The following ADAMTS2 variants were observed in gnomAD, a reference collection of about 807,000 sequenced individuals.
ADAMTS2 encodes ADAM metallopeptidase with thrombospondin type 1 motif 2, also known as A disintegrin and metalloproteinase with thrombospondin motifs 2.
A neutral mutation model predicts 123.0 loss-of-function variants in ADAMTS2; 50 were observed. The observed-to-expected ratio is 0.41, with a 90% CI of 0.32 to 0.51. ADAMTS2 has a LOEUF of 0.51. Ranked by LOEUF, ADAMTS2 falls within the 20% of genes least tolerant of loss-of-function variation. The probability of loss-of-function intolerance (pLI) is 0.35; values close to 1 mark genes in which losing one functional copy is unlikely to be tolerated. For synonymous variants in ADAMTS2, 678 were observed against 695.4 expected (o/e 0.98, Z 0.39); for missense variants, 1,494 against 1,705.2 (o/e 0.88, Z 2.18).
At chr5:179,231,758 A>T (rs1170376027) in intron 3 of ADAMTS2, among the ~76,000 whole-genome samples, 1 of 152,076 alleles carries the variant, frequency 6.6e-6, no homozygotes, top group Non-Finnish European at 1.5e-5. Flanking sequence ...GGTGCAGTGA[A>T]TAGTGAAGTC....
intron 5 of ADAMTS2, among the ~76,000 whole-genome samples, chr5:179,172,863 A>T (rs534282535): frequency 6.6e-6 from 1 of 152,260 alleles, no homozygotes; most frequent in East Asian, 1.9e-4. Flanking sequence ...AAAATCATTT[A>T]AAAAATTTAA....
chr5:179,332,111 A>C lies in ADAMTS2; in HGVS notation c.534+11656T>G, dbSNP rs1173414895. On this transcript the variant is annotated intron_variant, in intron 2 of 21. Coordinates refer to ENST00000251582, the MANE Select transcript of ADAMTS2 (RefSeq NM_014244.5). The surrounding 1 kb of genome is among the most constrained non-coding windows in gnomAD (Gnocchi z 4.2). ...AGTAACTGTGACCTTGGAATCAGAC[A>C]GACATGTGTTCATTAATAGAACAGA... Among the ~76,000 whole-genome samples, 1 of 152,264 alleles carries C rather than the reference A, an allele frequency of 6.6e-6. No individual in the cohort carries two copies. The highest frequency in any genetic ancestry group is 1.5e-5 in the Non-Finnish European group (1 of 68,044).
At chr5:179,267,305 G>A (rs977290995) in intron 3 of ADAMTS2, among the ~76,000 whole-genome samples, 10 of 152,214 alleles carry the variant, frequency 6.6e-5, no homozygotes, top group African/African-American at 1.9e-4. Flanking sequence ...GCCCAGTGCC[G>A]GCGCTTGTCC....
intron 10 of ADAMTS2, 91 bp from the exon 11 acceptor site, chr5:179,140,126 G>A (rs1034142692): frequency 1.4e-5 from 22 of 1,586,130 alleles, no homozygotes; most frequent in Admixed American, 1.7e-5. Context: ...TCTGGGACAC[G>A]TCCTGGCCCC....
intron 10 of ADAMTS2, among the ~76,000 whole-genome samples, chr5:179,148,219 G>A (rs910797008): frequency 1.3e-5 from 2 of 152,026 alleles, no homozygotes; most frequent in African/African-American, 4.8e-5. Flanking sequence ...CCCTGCCCCT[G>A]TGCACGCCTC....
At position 179,128,484 on chromosome 5, in the gene ADAMTS2, C is replaced by G. The variant is rs933392657; in HGVS notation, c.2458-366G>C. On this transcript the variant is annotated intron_variant, in intron 16 of 21. Coordinates refer to ENST00000251582, the MANE Select transcript of ADAMTS2 (RefSeq NM_014244.5). This position sits in a 1 kb window ranked among gnomAD's most constrained non-coding sequence, Gnocchi z 4.9. Reference sequence around the variant, plus strand: ...CTCGGCTCACTGCAACCTCCGCCTCCCAGGTTCAAGCGATTCTCCTGCCTC... The same window carrying G: ...CTCGGCTCACTGCAACCTCCGCCTCGCAGGTTCAAGCGATTCTCCTGCCTC... Among the ~76,000 whole-genome samples, 1 of 152,158 alleles carries G rather than the reference C, an allele frequency of 6.6e-6. No homozygotes were observed. Among genetic ancestry groups the G allele is most frequent in the Non-Finnish European group, 1.5e-5 (1 of 68,034 alleles).
intron 3 of ADAMTS2, among the ~76,000 whole-genome samples, chr5:179,265,887 T>G (rs2113499096): frequency 6.6e-6 from 1 of 152,362 alleles, no homozygotes; most frequent in Admixed American, 6.5e-5. Context: ...GGGCCTGGGC[T>G]GCAGGCTCAG....
At chr5:179,137,708 A>AGGGGCCGCCCGGGGTGCCCCCC in intron 12 of ADAMTS2, 61 bp downstream of exon 12, 1 of 522,442 alleles carries the variant, frequency 1.9e-6, no homozygotes, top group Non-Finnish European at 3.5e-6. Context: ...ACAAGCCCCC[A>AGGGGCCGCCCGGGGTGCCCCCC]CCCTGCCCAC....
intron 2 of ADAMTS2, among the ~76,000 whole-genome samples, chr5:179,306,508 C>T (rs2113567790): frequency 6.6e-6 from 1 of 152,324 alleles, no homozygotes. Context: ...CACAATACCG[C>T]ATCCTGAGAA....
rs569659871 is a variant in ADAMTS2, at chr5:179,316,026, C to T, written c.534+27741G>A. Among the ~76,000 whole-genome samples, 289 of 152,286 alleles carry T rather than the reference C, an allele frequency of 1.9e-3. 4 individuals carry two copies. Among genetic ancestry groups the T allele is most frequent in the Non-Finnish European group, 2.9e-4 (20 of 68,026 alleles). On this transcript the variant is annotated intron_variant, in intron 2 of 21. Transcript: ENST00000251582. ...TTATCAATACATATATAAGAAAAAG[C>T]TCCATAGCTAGACCCACGATAATGA...
At chr5:179,184,955 A>G (rs1764135616) in intron 4 of ADAMTS2, among the ~76,000 whole-genome samples, 1 of 152,150 alleles carries the variant, frequency 6.6e-6, no homozygotes, top group Admixed American at 6.5e-5. Context: ...GCCTGGAAGG[A>G]CGTGGCATGT....
In ADAMTS2 at chr5:179,180,989, T is replaced by A. The variant is rs1474133180; in HGVS notation, c.975+83A>T. On this transcript the variant is annotated intron_variant, in intron 5 of 21. Transcript: ENST00000251582. This position sits in a 1 kb window ranked among gnomAD's most constrained non-coding sequence, Gnocchi z 4.6. ...GGGTGGTTCTGGCAAACGCACACAC[T>A]CTCCAAGGAGGCCCATGCCTCACTC... is the stretch of plus-strand genomic sequence containing the variant. 1.8e-6 allele frequency: 2 copies of A among 1,093,938 alleles called. No homozygotes were observed. Among genetic ancestry groups the A allele is most frequent in the East Asian group, 4.8e-5 (2 of 41,792 alleles). The allele number at this position is 1,093,938 out of a possible 1,614,324, so 67.8% of individuals were successfully genotyped here.
At chr5:179,342,793 C>G (rs536681496) in intron 2 of ADAMTS2, among the ~76,000 whole-genome samples, 6 of 152,214 alleles carry the variant, frequency 3.9e-5, no homozygotes, top group Admixed American at 3.3e-4. Flanking sequence ...CCCGGGCAGC[C>G]GGACAGAGCA....
intron 18 of ADAMTS2, among the ~76,000 whole-genome samples, chr5:179,125,652 C>A (rs1050326061): frequency 6.6e-6 from 1 of 152,234 alleles, no homozygotes; most frequent in Non-Finnish European, 1.5e-5. Flanking sequence ...GACCCAGAAA[C>A]GCAGCTGGGC....
At chr5:179,325,189 G>A (rs905133544) in intron 2 of ADAMTS2, among the ~76,000 whole-genome samples, 4 of 152,180 alleles carry the variant, frequency 2.6e-5, no homozygotes, top group African/African-American at 7.2e-5. Context: ...CAGGATGAAC[G>A]GGAAGGTGGA....
intron 3 of ADAMTS2, among the ~76,000 whole-genome samples, chr5:179,257,680 T>C (rs1766099398): frequency 6.6e-6 from 1 of 152,138 alleles, no homozygotes; most frequent in Non-Finnish European, 1.5e-5. Context: ...TCTCTTGACA[T>C]TCCCGAAAGG....
chr5:179,122,669 C>T lies in ADAMTS2; in HGVS notation c.3063G>A (p.Arg1021=), dbSNP rs1561766375. 6.4e-7 allele frequency: 1 copy of T among 1,551,474 alleles called. No individual in the cohort carries two copies. Among genetic ancestry groups the T allele is most frequent in the Non-Finnish European group, 8.7e-7 (1 of 1,147,528 alleles). ...GGGGACAGGGGCCAAGCCTGCAGGT[C>T]CTCGCTGTCTCAGGACGCTCCTCCT... is the stretch of plus-strand genomic sequence containing the variant. The part of the protein sequence containing the change: ...ICQEERPETA[R]TCRLGPCPRN... The change falls in exon 20 of 22, where the codon AGG becomes AGA. Residue 1021 remains arginine, a synonymous_variant. Transcript: ENST00000251582.
Position 179,128,267 on chromosome 5 carries a change from C to A in ADAMTS2, c.2458-149G>T. The A allele has an allele frequency of 1.0e-6, 1 of 971,064 alleles. No homozygotes were observed. The highest frequency in any genetic ancestry group is 2.0e-5 in the Admixed American group (1 of 49,848). 60.2% of individuals were successfully genotyped at this position (971,064 alleles called of 1,614,324 possible). Reference sequence around the variant, plus strand: ...ATGAAGTCGCCCCGAGCACCAAATTCTTGAATAGGGAGCCATTACCCCAGG... The same window carrying A: ...ATGAAGTCGCCCCGAGCACCAAATTATTGAATAGGGAGCCATTACCCCAGG... On this transcript the variant is annotated intron_variant, in intron 16 of 21. Transcript: ENST00000251582. The surrounding 1 kb of genome is among the most constrained non-coding windows in gnomAD (Gnocchi z 4.9).
At chr5:179,195,594 G>A (rs1764407337) in intron 4 of ADAMTS2, among the ~76,000 whole-genome samples, 1 of 152,252 alleles carries the variant, frequency 6.6e-6, no homozygotes, top group South Asian at 2.1e-4. Flanking sequence ...GAGGAGCTCT[G>A]CAGGGGGGCG....
Sources: allele counts gnomAD v4.1 joint callset (sites outside exome capture counted in the v4.1 genomes callset), GRCh38; gene constraint gnomAD v4.1.1; non-coding constraint Gnocchi (gnomAD v3.1); transcripts MANE v1.5; gene names NCBI Gene and HGNC (gene_info 2026-07-23, HGNC 2026-07-21).